The following NLRP7 variants were observed in gnomAD, a reference collection of about 807,000 sequenced individuals.
NLRP7 encodes NACHT, LRR and PYD domains-containing protein 7.
In NLRP7, 72 loss-of-function variants were observed where a neutral mutation model predicts 85.5. The ratio of observed to expected loss-of-function variants is 0.84; its 90% CI spans 0.70 to 1.02. The LOEUF (loss-of-function observed/expected upper bound fraction) is 1.02, where lower values mean the gene tolerates loss of function less well. NLRP7 is among the 50% of genes least tolerant of loss of function. The pLI, the probability that NLRP7 is intolerant of heterozygous loss-of-function variation, is 0.00. For missense variants in NLRP7, 1,243 were observed against 1,219.5 expected (o/e 1.02, Z -0.29); for synonymous variants, 550 against 505.2 (o/e 1.09, Z -1.19).
At chr19:54,928,461 G>T (rs1354523315) in intron 9 of NLRP7, among the ~76,000 whole-genome samples, 1 of 152,230 alleles carries the variant, frequency 6.6e-6, no homozygotes, top group Admixed American at 6.6e-5. Flanking sequence ...AAGGCAGAGG[G>T]GAGTGAGCAG....
At chr19:54,924,575 A>C (rs1027797178) in intron 9 of NLRP7, among the ~76,000 whole-genome samples, 1 of 152,170 alleles carries the variant, frequency 6.6e-6, no homozygotes, top group Non-Finnish European at 1.5e-5. Context: ...AACGAGCTAG[A>C]GATTGCCCTA....
Position 54,939,861 on chromosome 19 carries a change from T to G in NLRP7, c.958A>C (p.Arg320=), listed in dbSNP as rs754786619. 2.5e-6 allele frequency: 4 copies of G among 1,614,022 alleles called. No homozygotes were observed. In the Admixed American group the frequency reaches 5.0e-5, roughly 20 times the overall value. ...TCCTCCTCCAGGAAGCCCTCCACCC[T>G]TACGTAGATCGGCTGCTGCGCCAGG... Residue 320 remains arginine, a synonymous_variant, in exon 4 of 10, where the codon AGG becomes CGG. Transcript: ENST00000340844.
intron 1 of NLRP7, among the ~76,000 whole-genome samples, chr19:54,959,623 G>A (rs987635785): frequency 9.9e-5 from 15 of 151,682 alleles, no homozygotes; most frequent in African/African-American, 3.6e-4. Context: ...GTCCAGCCTG[G>A]GCAACATAGC....
intron 1 of NLRP7, among the ~76,000 whole-genome samples, chr19:54,944,500 A>G (rs2069379622): frequency 6.6e-6 from 1 of 151,996 alleles, no homozygotes; most frequent in Non-Finnish European, 1.5e-5. Flanking sequence ...TGGTAGAGAT[A>G]ATGACCAATA....
exon 4 of NLRP7, chr19:54,939,578 G>C: frequency 6.2e-7 from 1 of 1,611,904 alleles, no homozygotes; most frequent in Non-Finnish European, 8.5e-7. Context: ...GAGGCTCAGC[G>C]TCCGCAGCGC....
chr19:54,944,014 T>C (rs1036599808), intron 1 of NLRP7, among the ~76,000 whole-genome samples: 3 of 152,006 alleles, frequency 2.0e-5, no homozygotes, highest in African/African-American at 7.2e-5. Flanking sequence ...AGGGACACAA[T>C]ACACTGCGGA....
chr19:54,944,298 C>T (rs1299464843), intron 1 of NLRP7, among the ~76,000 whole-genome samples: 2 of 151,904 alleles, frequency 1.3e-5, no homozygotes, highest in African/African-American at 4.8e-5. Context: ...GGAAAACCGC[C>T]TTAGGGCTGG....
At chr19:54,952,027 C>G (rs1331701091), upstream of NLRP7, among the ~76,000 whole-genome samples, 1 of 152,126 alleles carries the variant, frequency 6.6e-6, no homozygotes, top group African/African-American at 2.4e-5. Context: ...GCTGGGATTA[C>G]AGGCGTGAGC....
At position 54,930,550 on chromosome 19, in the gene NLRP7, C is replaced by T; in HGVS notation, c.2759G>A (p.Trp920Ter). 5.0e-6 allele frequency: 8 copies of T among 1,612,690 alleles called. No individual in the cohort carries two copies. The highest frequency in any genetic ancestry group is 6.8e-6 in the Non-Finnish European group (8 of 1,178,728). The change falls in exon 9 of 10, where the codon TGG (tryptophan) becomes TAG (stop). Residue 920 changes from tryptophan (W) to a stop codon, truncating the protein, a stop_gained. Coordinates refer to ENST00000340844, the Ensembl canonical transcript of NLRP7. LOFTEE classifies it high-confidence loss of function. ...ATTCTCTAATGCCTGACAGAGAATC[C>T]ACAATCCACGAGCTATCTGGTTGAT... is the stretch of plus-strand genomic sequence containing the variant.
intron 1 of NLRP7, among the ~76,000 whole-genome samples, chr19:54,964,278 G>T (rs1231997095): frequency 3.7e-5 from 5 of 135,692 alleles, no homozygotes; most frequent in Non-Finnish European, 7.8e-5. Context: ...GTGCAGTGGC[G>T]CGATCTCGGC....
upstream of NLRP7, among the ~76,000 whole-genome samples, chr19:54,950,001 C>A (rs943463654): frequency 4.0e-5 from 6 of 151,826 alleles, no homozygotes; most frequent in Admixed American, 2.6e-4. Flanking sequence ...ACTCAGGAGG[C>A]TGAGGCATGA....
chr19:54,959,327 C>T (rs1391646799), intron 1 of NLRP7, among the ~76,000 whole-genome samples: 2 of 143,124 alleles, frequency 1.4e-5, no homozygotes, highest in Non-Finnish European at 3.1e-5. Flanking sequence ...TTAATAGAGA[C>T]GGGGTTTCAC....
intron 9 of NLRP7, chr19:54,927,746 T>C (rs2068507489): frequency 2.5e-6 from 4 of 1,614,060 alleles, no homozygotes; most frequent in Non-Finnish European, 3.4e-6. Context: ...ATGCTGACAA[T>C]AGAAAGGCAT....
rs541350627 is a variant in NLRP7 at position 54,962,844 on chromosome 19, C to T, written c.-77+3196G>A. 6.9e-3 allele frequency among the ~76,000 whole-genome samples: 1,047 copies of T among 151,654 alleles called. 12 individuals are homozygous for T. The highest frequency in any genetic ancestry group is 0.02 in the South Asian group (95 of 4,780). ...TCCATCTCCTGACCTCGTGATCCGC[C>T]CGCCTCGGCCTCCCAAAGTGCTGGG... On this transcript the variant is annotated intron_variant, in intron 1 of 2. Transcript: ENST00000587103.
chr19:54,928,449 G>T (rs182959053), intron 9 of NLRP7, among the ~76,000 whole-genome samples: 1 of 152,102 alleles, frequency 6.6e-6, no homozygotes, highest in Non-Finnish European at 1.5e-5. Context: ...CAGTAGTGAG[G>T]AAAGGCAGAG....
intron 9 of NLRP7, among the ~76,000 whole-genome samples, chr19:54,928,191 G>C (rs147957271): frequency 1.3e-5 from 2 of 152,174 alleles, no homozygotes; most frequent in Admixed American, 6.6e-5. Context: ...CTGCACTCCA[G>C]CCTGGGCAAT....
chr19:54,952,434 A>AT (rs2069699346), upstream of NLRP7, among the ~76,000 whole-genome samples: 1 of 152,074 alleles, frequency 6.6e-6, no homozygotes, highest in African/African-American at 2.4e-5. Flanking sequence ...TTCTACTAAA[A>AT]ACACAAAAAA....
chr19:54,934,003 C>T lies in NLRP7; in HGVS notation c.2472-264G>A, dbSNP rs539715926. Among the ~76,000 whole-genome samples, 914 of 152,244 alleles carry T rather than the reference C, an allele frequency of 6.0e-3. 3 individuals are homozygous for T. The highest frequency in any genetic ancestry group is 9.6e-3 in the Non-Finnish European group (651 of 68,000). The stretch of plus-strand genomic sequence containing the variant: ...TGTCGCCCAGGCTGGAGTGCAGTGG[C>T]GCGATCTCGGTTCACTGCCAATCGC... On this transcript the variant is annotated intron_variant, in intron 7 of 9. Transcript: ENST00000340844. The surrounding 1 kb of genome is among the most constrained non-coding windows in gnomAD (Gnocchi z 6.7).
exon 4 of NLRP7, chr19:54,939,141 T>G: frequency 6.2e-7 from 1 of 1,614,222 alleles, no homozygotes; most frequent in Non-Finnish European, 8.5e-7. Context: ...AAGGGCTTAT[T>G]TGCATGAAGA....
Sources: allele counts gnomAD v4.1 joint callset (sites outside exome capture counted in the v4.1 genomes callset), GRCh38; gene constraint gnomAD v4.1.1; non-coding constraint Gnocchi (gnomAD v3.1); transcripts MANE v1.5; gene names NCBI Gene and HGNC (gene_info 2026-07-23, HGNC 2026-07-21).